PLPP3: variants seen among roughly 807,000 people sequenced by gnomAD.
The protein encoded by PLPP3 is phospholipid phosphatase 3.
A neutral mutation model predicts 29.6 loss-of-function variants in PLPP3; 6 were observed. The observed-to-expected ratio is 0.20, with a 90% CI of 0.11 to 0.40. The LOEUF is 0.40. PLPP3 is among the 10% of genes least tolerant of loss of function. PLPP3 has a pLI of 1.00. For missense variants in PLPP3, 308 were observed against 407.7 expected, an observed-to-expected ratio of 0.76 and a Z score of 2.11; for synonymous variants, 152 against 159.7, an observed-to-expected ratio of 0.95 and a Z score of 0.36.
At chr1:56,531,918 A>G (rs1022737953) in intron 2 of PLPP3, among the ~76,000 whole-genome samples, 5 of 152,044 alleles carry the variant, frequency 3.3e-5, no homozygotes, top group African/African-American at 9.7e-5. Context: ...CTGACTCTCC[A>G]CCCCATCCCC....
chr1:56,557,033 AG>A (rs1557513712), intron 1 of PLPP3, among the ~76,000 whole-genome samples: 1 of 53,030 alleles, frequency 1.9e-5, no homozygotes, highest in Non-Finnish European at 4.8e-5. Context: ...AGAAAGAGAG[AG>A]AGAGAGAGAG....
chr1:56,521,357 C>T (rs891740169), intron 4 of PLPP3, among the ~76,000 whole-genome samples: 12 of 152,002 alleles, frequency 7.9e-5, no homozygotes, highest in Admixed American at 2.0e-4. Flanking sequence ...GAGTGCTGTC[C>T]TCACTTTTTG....
intron 1 of PLPP3, among the ~76,000 whole-genome samples, chr1:56,567,399 T>C (rs893648139): frequency 9.3e-5 from 10 of 108,080 alleles, no homozygotes; most frequent in East Asian, 2.3e-4. Flanking sequence ...ATTTCTTTTT[T>C]TTTTTTTTTT....
In PLPP3 at chr1:56,496,656, G is replaced by C; in HGVS notation, c.831C>G (p.Leu277=). The change falls in exon 6 of 6, where the codon CTC becomes CTG. Residue 277 remains leucine (L), a synonymous_variant. Coordinates refer to ENST00000371250, the MANE Select transcript of PLPP3 (RefSeq NM_003713.5). ...ACCIVFFVSD[L]FKTKTTLSLP... is the part of the protein sequence containing the mutation. Reference sequence around the variant, plus strand: ...GGGAGAGCGTCGTCTTAGTCTTGAAGAGGTCAGACACGAAGAAAACCTAGA... The same window carrying C: ...GGGAGAGCGTCGTCTTAGTCTTGAACAGGTCAGACACGAAGAAAACCTAGA... 1 of 1,613,666 alleles carries C rather than the reference G, an allele frequency of 6.2e-7. No homozygotes were observed. Among genetic ancestry groups the C allele is most frequent in the Non-Finnish European group, 8.5e-7 (1 of 1,179,796 alleles).
intron 5 of PLPP3, among the ~76,000 whole-genome samples, chr1:56,509,832 C>CAAA (rs59418227): frequency 8.3e-4 from 71 of 85,632 alleles, no homozygotes; most frequent in Non-Finnish European, 9.8e-4. Context: ...GCGAGACTCT[C>CAAA]AAAAAAAAAA....
intron 5 of PLPP3, among the ~76,000 whole-genome samples, chr1:56,497,840 T>C (rs1233023201): frequency 6.6e-6 from 1 of 152,158 alleles, no homozygotes; most frequent in Non-Finnish European, 1.5e-5. Context: ...GTCCCTTCTG[T>C]AGCAACACGG....
At position 56,495,009 on chromosome 1, in the gene PLPP3, T is replaced by A. The variant is rs1645622052; in HGVS notation, c.*1542A>T. On this transcript the variant is annotated 3_prime_UTR_variant, in exon 6 of 6. Coordinates refer to ENST00000371250, the MANE Select transcript of PLPP3 (RefSeq NM_003713.5). ...TTGATATTTAAAAAAATTAACTCAATGCTTTTTTAAGCAGCTAATGTAAAT... is the reference window on the plus strand; with the variant it reads ...TTGATATTTAAAAAAATTAACTCAAAGCTTTTTTAAGCAGCTAATGTAAAT... 6.6e-6 allele frequency: 1 copy of A among 152,656 alleles called. No individual in the cohort carries two copies. Among genetic ancestry groups the A allele is most frequent in the Non-Finnish European group, 1.5e-5 (1 of 68,042 alleles). The allele number at this position is 152,656 out of a possible 1,614,324, so 9.5% of individuals were successfully genotyped here. A position where few individuals can be genotyped will look rare whatever the true frequency, so the allele number is the denominator to read the frequency against.
chr1:56,509,030 T>C (rs1373076553), intron 5 of PLPP3, among the ~76,000 whole-genome samples: 1 of 152,176 alleles, frequency 6.6e-6, no homozygotes, highest in East Asian at 1.9e-4. Flanking sequence ...TGTCCTGGCC[T>C]CTCAGATGGC....
At chr1:56,556,906 G>A (rs559343843) in intron 1 of PLPP3, among the ~76,000 whole-genome samples, 1 of 135,180 alleles carries the variant, frequency 7.4e-6, no homozygotes, top group Admixed American at 7.9e-5. Flanking sequence ...AAAGAGGGGA[G>A]GGGAGTGGAG....
intron 2 of PLPP3, among the ~76,000 whole-genome samples, chr1:56,536,542 C>T (rs906279903): frequency 1.3e-5 from 2 of 152,164 alleles, no homozygotes; most frequent in African/African-American, 4.8e-5. Context: ...AAGAAAACTA[C>T]ATGAAATGTG....
At chr1:56,563,219 T>A (rs1286450141) in intron 1 of PLPP3, among the ~76,000 whole-genome samples, 1 of 152,176 alleles carries the variant, frequency 6.6e-6, no homozygotes, top group East Asian at 1.9e-4. Context: ...GAAAAAGAAA[T>A]GCCACAAAAC....
At chr1:56,527,943 G>A (rs781537920) in intron 2 of PLPP3, among the ~76,000 whole-genome samples, 5 of 151,970 alleles carry the variant, frequency 3.3e-5, no homozygotes, top group African/African-American at 4.8e-5. Context: ...TTATTCCTGG[G>A]TAAGAAAATA....
At chr1:56,560,923 C>T (rs1460402407) in intron 1 of PLPP3, among the ~76,000 whole-genome samples, 1 of 150,638 alleles carries the variant, frequency 6.6e-6, no homozygotes, top group African/African-American at 2.4e-5. Flanking sequence ...CTGCAAGCTC[C>T]GCCTCCAGGG....
chr1:56,504,941 G>T (rs945847856), intron 5 of PLPP3, among the ~76,000 whole-genome samples: 2 of 151,934 alleles, frequency 1.3e-5, no homozygotes, highest in African/African-American at 4.8e-5. Flanking sequence ...AACTAACTAG[G>T]TGGTTACCAC....
chr1:56,573,933 G>GGC (rs1439328986), intron 1 of PLPP3, among the ~76,000 whole-genome samples: 2 of 152,148 alleles, frequency 1.3e-5, no homozygotes, highest in South Asian at 4.1e-4. Flanking sequence ...CTGGCACGGT[G>GGC]GCTCACACCT....
chr1:56,518,476 A>G (rs1645796885), intron 4 of PLPP3, among the ~76,000 whole-genome samples: 1 of 152,154 alleles, frequency 6.6e-6, no homozygotes. Flanking sequence ...TCCCTACATT[A>G]CACAGGCCCT....
At chr1:56,514,306 G>A (rs1645766682) in intron 4 of PLPP3, among the ~76,000 whole-genome samples, 1 of 151,466 alleles carries the variant, frequency 6.6e-6, no homozygotes, top group African/African-American at 2.4e-5. Flanking sequence ...GTTTAAGGGG[G>A]CAGGAGTGGG....
At chr1:56,512,200 C>T in intron 4 of PLPP3, 48 bp from the exon 5 acceptor site, 1 of 1,472,714 alleles carries the variant, frequency 6.8e-7, no homozygotes, top group East Asian at 2.4e-5. Context: ...ACTCCCCACT[C>T]ACATGCACTA....
At chr1:56,536,836 T>C (rs1043362185) in intron 2 of PLPP3, 119 bp downstream of exon 2, 32 of 1,306,034 alleles carry the variant, frequency 2.5e-5, no homozygotes, top group Non-Finnish European at 3.0e-5. Context: ...TGGCTAAATA[T>C]AGGCCAGAGA....
Sources: allele counts gnomAD v4.1 joint callset (sites outside exome capture counted in the v4.1 genomes callset), GRCh38; gene constraint gnomAD v4.1.1; transcripts MANE v1.5; gene names NCBI Gene and HGNC (gene_info 2026-07-23, HGNC 2026-07-21).